The following RERE variants were observed in gnomAD, a reference collection of about 807,000 sequenced individuals.
RERE encodes the protein arginine-glutamic acid dipeptide repeats, also known as arginine-glutamic acid dipeptide repeats protein.
RERE carries 40 observed loss-of-function variants against 146.1 expected under a neutral mutation model. The ratio of observed to expected loss-of-function variants is 0.27; its 90% confidence interval spans 0.21 to 0.36. The LOEUF (loss-of-function observed/expected upper bound fraction) is 0.36, where lower values mean the gene tolerates loss of function less well. RERE is among the 10% of genes least tolerant of loss of function. The pLI is 1.00. For missense variants in RERE, 1,933 were observed against 2,138.7 expected, an observed-to-expected ratio of 0.90 and a Z score of 1.90; for synonymous variants, 1,003 against 866.0, an observed-to-expected ratio of 1.16 and a Z score of -2.78.
At chr1:8,783,027 C>A (rs1641193427) in intron 1 of RERE, among the ~76,000 whole-genome samples, 1 of 152,156 alleles carries the variant, frequency 6.6e-6, no homozygotes, top group Non-Finnish European at 1.5e-5. Flanking sequence ...CTTTCAACCC[C>A]TACCCTACAG....
At chr1:8,798,017 G>A (rs957899274) in intron 1 of RERE, among the ~76,000 whole-genome samples, 19 of 152,316 alleles carry the variant, frequency 1.2e-4, no homozygotes, top group Middle Eastern at 3.4e-3. Context: ...CCAACACTTT[G>A]GAAGGCCAAG....
At chr1:8,747,065 G>C (rs542452628) in intron 1 of RERE, among the ~76,000 whole-genome samples, 6 of 151,766 alleles carry the variant, frequency 4.0e-5, no homozygotes, top group Non-Finnish European at 5.9e-5. Context: ...AGGCTGGAGC[G>C]ATCTTGGCTC....
At chr1:8,408,581 G>A (rs1252698613) in intron 12 of RERE, among the ~76,000 whole-genome samples, 1 of 152,064 alleles carries the variant, frequency 6.6e-6, no homozygotes, top group Non-Finnish European at 1.5e-5. Context: ...GATCATTAAA[G>A]GTTTCTGAAC....
At position 8,360,190 on chromosome 1, in the gene RERE, C is replaced by A; in HGVS notation, c.3317G>T (p.Ser1106Ile). 1 of 1,597,262 alleles carries A rather than the reference C, an allele frequency of 6.3e-7. No individual in the cohort carries two copies. The highest frequency in any genetic ancestry group is 8.5e-7 in the Non-Finnish European group (1 of 1,172,942). ...EALDDAEEPESPPPPPRSPSP... is the reference protein window; with the variant it reads ...EALDDAEEPEIPPPPPRSPSP... ...CGGGCTCCTTGGTGGGGGAGGGGGG[C>A]TCTCAGGCTCCTCAGCGTCGTCCAG... Residue 1106 changes from serine (S) to isoleucine (I), a missense_variant, in exon 18 of 23, where the codon AGC (serine) becomes ATC (isoleucine). Ser to Ile is a moderately radical substitution (Grantham distance 142). Coordinates refer to ENST00000400908, the MANE Select transcript of RERE (RefSeq NM_001042681.2).
rs541571728 is a variant in RERE, at chr1:8,653,751, G to C, written c.325+2222C>G. 8.2e-5 allele frequency among the ~76,000 whole-genome samples: 12 copies of C among 146,482 alleles called. No individual in the cohort carries two copies. In the East Asian group the frequency reaches 2.4e-3, roughly 30 times the overall value. On this transcript the variant is annotated intron_variant, in intron 2 of 22. Transcript: ENST00000400908. ...TGTTTTGTTCCTTTCCCATGATTTA[G>C]ATGTGCGTACGCCCTAAACAAGCAA... is the stretch of plus-strand genomic sequence containing the variant.
rs562628273 is a variant in RERE at position 8,743,680 on chromosome 1, T to G, written c.-145+73480A>C. On this transcript the variant is annotated intron_variant, in intron 1 of 22. Transcript: ENST00000400908. ...AAAATCTTGTCAATAAAATGAAACT[T>G]AACAAGGGCCTTGGGGATATTCTCT... is the stretch of plus-strand genomic sequence containing the variant. Among the ~76,000 whole-genome samples the G allele has an allele frequency of 1.1e-4, 16 of 152,280 alleles. 1 individual carries two copies. In the South Asian group the frequency reaches 3.3e-3, roughly 32 times the overall value.
chr1:8,633,354 T>C (rs1358529970), intron 2 of RERE, among the ~76,000 whole-genome samples: 1 of 151,150 alleles, frequency 6.6e-6, no homozygotes, highest in Admixed American at 6.6e-5. Context: ...GCCCAGGAGG[T>C]TGAGGCTGCA....
At chr1:8,533,338 T>C (rs1207761731) in intron 7 of RERE, among the ~76,000 whole-genome samples, 1 of 152,178 alleles carries the variant, frequency 6.6e-6, no homozygotes, top group Non-Finnish European at 1.5e-5. Context: ...ACACAGTCTC[T>C]TTCTGAAGCT....
intron 12 of RERE, among the ~76,000 whole-genome samples, chr1:8,375,501 C>A (rs1307725507): frequency 6.6e-6 from 1 of 152,046 alleles, no homozygotes; most frequent in Admixed American, 6.5e-5. Context: ...GCTTAGGAAG[C>A]CACTGAAAAT....
chr1:8,766,401 G>A (rs1640845971), intron 1 of RERE, among the ~76,000 whole-genome samples: 1 of 151,984 alleles, frequency 6.6e-6, no homozygotes, highest in Non-Finnish European at 1.5e-5. Context: ...TTAGCTGGAT[G>A]TAGTGGCACG....
Position 8,364,358 on chromosome 1 carries a change from C to T in RERE, c.1541-103G>A, listed in dbSNP as rs1641715236. On this transcript the variant is annotated intron_variant, in intron 14 of 22. Transcript: ENST00000400908. The surrounding 1 kb of genome is among the most constrained non-coding windows in gnomAD (Gnocchi z 5.1). The stretch of plus-strand genomic sequence containing the variant: ...TGTGGGCTCTACCCAAACCTGATGC[C>T]ACCAGCACCATGCAGCCCTGGGCCC... 2 of 995,362 alleles carry T rather than the reference C, an allele frequency of 2.0e-6. No homozygotes were observed. Among genetic ancestry groups the T allele is most frequent in the Middle Eastern group, 2.5e-4 (1 of 3,992 alleles). The allele number at this position is 995,362 out of a possible 1,614,324, so 61.7% of individuals were successfully genotyped here. A position where few individuals can be genotyped will look rare whatever the true frequency, so the allele number is the denominator to read the frequency against.
intron 12 of RERE, among the ~76,000 whole-genome samples, chr1:8,380,238 T>G (rs904821384): frequency 2.0e-5 from 3 of 152,054 alleles, no homozygotes; most frequent in Admixed American, 2.0e-4. Context: ...TCTCTTGGCA[T>G]GAGAATCTCT....
chr1:8,776,486 C>T (rs1378076682), intron 1 of RERE, among the ~76,000 whole-genome samples: 1 of 152,168 alleles, frequency 6.6e-6, no homozygotes, highest in Non-Finnish European at 1.5e-5. Context: ...TGAGTAGAGA[C>T]AGGCTTTCGC....
At chr1:8,489,722 C>G (rs893465968) in intron 10 of RERE, among the ~76,000 whole-genome samples, 3 of 152,100 alleles carry the variant, frequency 2.0e-5, no homozygotes, top group Non-Finnish European at 4.4e-5. Context: ...AAAATTATAA[C>G]ACACTACTGA....
intron 1 of RERE, among the ~76,000 whole-genome samples, chr1:8,779,404 T>C (rs1240474979): frequency 6.6e-6 from 1 of 151,912 alleles, no homozygotes; most frequent in Non-Finnish European, 1.5e-5. Context: ...GGCTCACACC[T>C]GTAATCCCAG....
At chr1:8,505,072 G>A (rs1645232721) in intron 8 of RERE, among the ~76,000 whole-genome samples, 1 of 152,180 alleles carries the variant, frequency 6.6e-6, no homozygotes, top group African/African-American at 2.4e-5. Context: ...CTAGACTGCA[G>A]AACACCCTAC....
intron 4 of RERE, among the ~76,000 whole-genome samples, chr1:8,564,320 A>G (rs1403233281): frequency 6.6e-6 from 1 of 152,212 alleles, no homozygotes; most frequent in African/African-American, 2.4e-5. Flanking sequence ...ACATAATGAG[A>G]TATCTTGGGG....
At chr1:8,632,669 C>T (rs932969017) in intron 2 of RERE, among the ~76,000 whole-genome samples, 1 of 152,136 alleles carries the variant, frequency 6.6e-6, no homozygotes, top group Admixed American at 6.5e-5. Flanking sequence ...GCAACTGTTC[C>T]ACAGTCCAAG....
intron 1 of RERE, among the ~76,000 whole-genome samples, chr1:8,657,010 G>A (rs1290478022): frequency 1.3e-5 from 2 of 152,156 alleles, no homozygotes; most frequent in Non-Finnish European, 1.5e-5. Context: ...TGTCAAAAAT[G>A]TCTCAGGATA....
Sources: gnomAD v4.1 joint callset for allele counts (sites outside exome capture counted in the v4.1 genomes callset) on GRCh38, gnomAD v4.1.1 for gene constraint, Gnocchi (gnomAD v3.1) non-coding constraint, MANE v1.5 for transcripts, NCBI Gene and HGNC (gene_info 2026-07-23, HGNC 2026-07-21) for gene names.